The following DHRSX variants were observed in gnomAD, a reference collection of about 807,000 sequenced individuals.
The protein encoded by DHRSX is dehydrogenase/reductase X-linked.
In DHRSX, 31 loss-of-function variants were observed where a neutral mutation model predicts 34.0. The ratio of observed to expected loss-of-function variants is 0.91; its 90% CI spans 0.69 to 1.23. The LOEUF (loss-of-function observed/expected upper bound fraction) is 1.23. Ranked by LOEUF, DHRSX falls within the 50% of genes most tolerant of loss-of-function variation. The pLI, the probability that DHRSX is intolerant of heterozygous loss-of-function variation, is 0.00. For missense variants in DHRSX, 414 were observed against 428.1 expected (o/e 0.97, Z 0.29); for synonymous variants, 201 against 183.8 (o/e 1.09, Z -0.76).
Position 2,252,833 on chromosome X carries a change from C to T in DHRSX, c.597-9603G>A, listed in dbSNP as rs922419580. Among the ~76,000 whole-genome samples, 78 of 152,074 alleles carry T rather than the reference C, an allele frequency of 5.1e-4. 1 individual carries two copies. The highest frequency in any genetic ancestry group is 7.4e-5 in the Non-Finnish European group (5 of 68,012). On this transcript the variant is annotated intron_variant, in intron 5 of 6. Coordinates refer to ENST00000334651, the MANE Select transcript of DHRSX (RefSeq NM_145177.3). Reference sequence around the variant, plus strand: ...AAATGGGAAAGAATGAAAGCAAATACGTAGGAGGAAATGCCCATTAAGGTC... The same window carrying T: ...AAATGGGAAAGAATGAAAGCAAATATGTAGGAGGAAATGCCCATTAAGGTC...
intron 3 of DHRSX, among the ~76,000 whole-genome samples, chrX:2,342,340 C>T (rs966109373): frequency 6.6e-6 from 1 of 152,000 alleles, no homozygotes; most frequent in Non-Finnish European, 1.5e-5. Flanking sequence ...GAGCACACAC[C>T]CTCACTCCTT....
Position 2,308,216 on chromosome X carries a change from G to A in DHRSX, c.287-16613C>T. The stretch of plus-strand genomic sequence containing the variant: ...ATGTGGCAAGAACAGAAAAGAAGCA[G>A]GAAGTACAGCTTCAGCCAACGAGGG... On this transcript the variant is annotated intron_variant, in intron 3 of 6. Coordinates refer to ENST00000334651, the MANE Select transcript of DHRSX (RefSeq NM_145177.3). 2.0e-5 allele frequency among the ~76,000 whole-genome samples: 3 copies of A among 152,136 alleles called. No individual in the cohort carries two copies. The East Asian group carries it at 5.8e-4, about 29-fold the overall frequency.
chrX:2,372,411 G>C (rs2043083389), intron 3 of DHRSX, among the ~76,000 whole-genome samples: 2 of 152,002 alleles, frequency 1.3e-5, no homozygotes, highest in South Asian at 4.1e-4. Flanking sequence ...CGAACCGCTG[G>C]GGGAAGGCAG....
intron 5 of DHRSX, among the ~76,000 whole-genome samples, chrX:2,243,516 C>A (rs1202075298): frequency 6.6e-6 from 1 of 151,716 alleles, no homozygotes; most frequent in Admixed American, 6.6e-5. Flanking sequence ...GACAGAGTCC[C>A]CCCTCTGTCG....
rs2045329898 is a variant in DHRSX, at chrX:2,498,323, A to G, written c.109+2494T>C. On this transcript the variant is annotated intron_variant, in intron 1 of 6. Coordinates refer to ENST00000334651, the MANE Select transcript of DHRSX (RefSeq NM_145177.3). ...ACAGCTTAGCTCAAATGCCCTGGAC[A>G]AAGTTCAATGTTTCCTCACCAACAG... is the stretch of plus-strand genomic sequence containing the variant. Among the ~76,000 whole-genome samples the G allele has an allele frequency of 2.0e-5, 3 of 152,226 alleles. No individual in the cohort carries two copies. The South Asian group carries it at 6.2e-4, about 32-fold the overall frequency.
Position 2,243,065 on chromosome X carries a change from G to GGCCCAGAACACGT in DHRSX, c.749_761dup (p.Thr255ArgfsTer22). 1 of 1,613,812 alleles carries GGCCCAGAACACGT rather than the reference G, an allele frequency of 6.2e-7. No homozygotes were observed. The highest frequency in any genetic ancestry group is 8.5e-7 in the Non-Finnish European group (1 of 1,179,782). On this transcript the variant is annotated frameshift_variant, in exon 6 of 7. Coordinates refer to ENST00000334651, the MANE Select transcript of DHRSX (RefSeq NM_145177.3). LOFTEE classifies it high-confidence loss of function. ...CGAGAAGCTTCTTCGCCAGACGGGT[G>GGCCCAGAACACGT]GCCCAGAACACGTGCTTGTAGACGT...
intron 3 of DHRSX, among the ~76,000 whole-genome samples, chrX:2,298,319 T>TTTG (rs1556456901): frequency 7.3e-6 from 1 of 136,924 alleles, no homozygotes; most frequent in Non-Finnish European, 1.5e-5. Context: ...GTTTTGGTGT[T>TTTG]TTTTTTTTTT....
chrX:2,287,171 G>A (rs1189662366), intron 4 of DHRSX, among the ~76,000 whole-genome samples: 1 of 152,170 alleles, frequency 6.6e-6, no homozygotes, highest in Non-Finnish European at 1.5e-5. Context: ...AGAGTAGGTA[G>A]GTATGGCAGG....
At chrX:2,339,324 A>G (rs1276537964) in intron 3 of DHRSX, among the ~76,000 whole-genome samples, 1 of 151,844 alleles carries the variant, frequency 6.6e-6, no homozygotes, top group African/African-American at 2.4e-5. Flanking sequence ...TTTTTAGTAT[A>G]GACAGGGTTT....
At chrX:2,390,373 G>T (rs780789714) in intron 3 of DHRSX, among the ~76,000 whole-genome samples, 9 of 145,232 alleles carry the variant, frequency 6.2e-5, no homozygotes, top group Admixed American at 1.4e-4. Context: ...CCTGACCTCA[G>T]GTGATCCACC....
chrX:2,223,579 G>A (rs974028088), intron 6 of DHRSX, among the ~76,000 whole-genome samples: 6 of 152,096 alleles, frequency 3.9e-5, no homozygotes, highest in East Asian at 1.9e-4. Flanking sequence ...AAGTAAAGGC[G>A]AAAGGGATGG....
rs182537690 is a variant in DHRSX, at chrX:2,473,893, G to A, written c.109+26924C>T. ...AGAAAGATAATGAAGCCTTGGCTGT[G>A]ATTCAGACCATTTCTTGGTATCAAG... On this transcript the variant is annotated intron_variant, in intron 1 of 6. Coordinates refer to ENST00000334651, the MANE Select transcript of DHRSX (RefSeq NM_145177.3). Among the ~76,000 whole-genome samples the A allele has an allele frequency of 8.6e-4, 126 of 146,338 alleles. 7 individuals are homozygous for A. The highest frequency in any genetic ancestry group is 1.6e-3 in the Non-Finnish European group (110 of 67,202).
chrX:2,337,764 G>T (rs2042586921), intron 3 of DHRSX: 1 of 152,044 alleles, frequency 6.6e-6, no homozygotes, highest in South Asian at 2.1e-4. Flanking sequence ...ACCTTCATCT[G>T]TTCTTTAACC....
chrX:2,276,689 G>T (rs1246288328), intron 4 of DHRSX, among the ~76,000 whole-genome samples: 1 of 150,046 alleles, frequency 6.7e-6, no homozygotes, highest in Non-Finnish European at 1.5e-5. Flanking sequence ...CTCTCCAAGC[G>T]GAGAACTCCA....
rs781585641 is a variant in DHRSX at position 2,242,906 on chromosome X, C to T, written c.804+117G>A. ...GCTTCTCTTTCCACCACTGAGCCGT[C>T]CTGAATTCTTTCTTGCACGAGATCC... On this transcript the variant is annotated intron_variant, in intron 6 of 6. Coordinates refer to ENST00000334651, the MANE Select transcript of DHRSX (RefSeq NM_145177.3). 259 of 995,712 alleles carry T rather than the reference C, an allele frequency of 2.6e-4. 1 individual carries two copies. The African/African-American group carries it at 3.7e-3, about 14-fold the overall frequency. 61.7% of individuals were successfully genotyped at this position (995,712 alleles called of 1,614,324 possible).
chrX:2,486,039 TAAG>T (rs2044919081), intron 1 of DHRSX, among the ~76,000 whole-genome samples: 1 of 146,456 alleles, frequency 6.8e-6, no homozygotes, highest in South Asian at 2.2e-4. Flanking sequence ...AGAGGGGTGA[TAAG>T]GAGGCTGGGG....
intron 3 of DHRSX, among the ~76,000 whole-genome samples, chrX:2,354,380 T>A (rs1277313647): frequency 6.6e-6 from 1 of 152,196 alleles, no homozygotes; most frequent in East Asian, 1.9e-4. Flanking sequence ...AGGGATTCCC[T>A]CAGCTTAGAG....
chrX:2,349,866 G>A (rs1488069436), intron 3 of DHRSX, among the ~76,000 whole-genome samples: 3 of 146,292 alleles, frequency 2.1e-5, no homozygotes, highest in East Asian at 4.0e-4. Context: ...GTGAAACCCC[G>A]TTTCCACTAA....
chrX:2,396,379 T>TTTTC (rs1556504750), intron 3 of DHRSX, among the ~76,000 whole-genome samples: 3 of 139,198 alleles, frequency 2.2e-5, no homozygotes, highest in Admixed American at 1.4e-4. Flanking sequence ...CTTTTTCTTT[T>TTTTC]TTTTTTTTTT....
Sources: gnomAD v4.1 joint callset for allele counts (sites outside exome capture counted in the v4.1 genomes callset) on GRCh38, gnomAD v4.1.1 for gene constraint, MANE v1.5 for transcripts, NCBI Gene and HGNC (gene_info 2026-07-23, HGNC 2026-07-21) for gene names.